Variants in ITCH observed in about 807,000 individuals in gnomAD.
ITCH encodes the protein E3 ubiquitin-protein ligase Itchy homolog.
In ITCH, 28 loss-of-function variants were observed where a neutral mutation model predicts 126.8. That is an observed-to-expected ratio of 0.22 (90% CI 0.16 to 0.30). ITCH has a LOEUF of 0.30. Ranked by LOEUF, ITCH falls within the 10% of genes least tolerant of loss-of-function variation. The pLI is 1.00. For synonymous variants in ITCH, 342 were observed against 340.0 expected (o/e 1.01, Z -0.06); for missense variants, 631 against 1,032.4 (o/e 0.61, Z 5.33).
At chr20:34,382,004 C>T (rs1197560325) in intron 2 of ITCH, among the ~76,000 whole-genome samples, 1 of 152,048 alleles carries the variant, frequency 6.6e-6, no homozygotes, top group African/African-American at 2.4e-5. Context: ...CTTAGATTTC[C>T]ATTTGTTTAC....
At chr20:34,375,848 A>G (rs1244816136) in intron 2 of ITCH, among the ~76,000 whole-genome samples, 2 of 151,312 alleles carry the variant, frequency 1.3e-5, no homozygotes, top group African/African-American at 4.9e-5. Flanking sequence ...TCCCGTCATT[A>G]TATTTTTCAA....
chr20:34,494,144 C>T (rs1450181120), intron 23 of ITCH, among the ~76,000 whole-genome samples: 1 of 152,130 alleles, frequency 6.6e-6, no homozygotes, highest in African/African-American at 2.4e-5. Context: ...CAGGGAGAAT[C>T]GCTTGAACCC....
At chr20:34,488,094 T>C (rs1469580944) in intron 20 of ITCH, among the ~76,000 whole-genome samples, 2 of 152,168 alleles carry the variant, frequency 1.3e-5, no homozygotes, top group Admixed American at 6.5e-5. Flanking sequence ...TCAAAAATAA[T>C]CTTATATTTA....
At chr20:34,403,632 A>T (rs1208987471) in intron 3 of ITCH, among the ~76,000 whole-genome samples, 1 of 152,218 alleles carries the variant, frequency 6.6e-6, no homozygotes, top group Non-Finnish European at 1.5e-5. Flanking sequence ...GGTGAGTTAA[A>T]TGAGTAAAAA....
At chr20:34,416,537 T>C (rs1046040180) in intron 6 of ITCH, among the ~76,000 whole-genome samples, 1 of 152,216 alleles carries the variant, frequency 6.6e-6, no homozygotes, top group Non-Finnish European at 1.5e-5. Flanking sequence ...AAATACCTTA[T>C]TGTACTCACC....
chr20:34,436,373 T>C (rs1568938387), intron 7 of ITCH, among the ~76,000 whole-genome samples: 1 of 152,218 alleles, frequency 6.6e-6, no homozygotes, highest in Non-Finnish European at 1.5e-5. Context: ...ATTCTACTCA[T>C]TGTTATCTGT....
intron 6 of ITCH, among the ~76,000 whole-genome samples, chr20:34,422,206 G>A (rs2146211701): frequency 6.6e-6 from 1 of 152,256 alleles, no homozygotes; most frequent in East Asian, 1.9e-4. Context: ...TGCAGGAAAA[G>A]TACAGGAAGT....
chr20:34,501,105 A>T (rs913818394), intron 23 of ITCH, among the ~76,000 whole-genome samples: 8 of 152,216 alleles, frequency 5.3e-5, no homozygotes, highest in African/African-American at 1.9e-4. Flanking sequence ...AGAGGCAGCC[A>T]TCTAGTTTAA....
At chr20:34,392,994 G>A (rs1320389898) in intron 2 of ITCH, among the ~76,000 whole-genome samples, 1 of 152,156 alleles carries the variant, frequency 6.6e-6, no homozygotes, top group Non-Finnish European at 1.5e-5. Flanking sequence ...AAAGCTATCT[G>A]GATAGGTAAT....
At chr20:34,388,116 G>A (rs1300338669) in intron 2 of ITCH, among the ~76,000 whole-genome samples, 1 of 88,654 alleles carries the variant, frequency 1.1e-5, no homozygotes, top group Non-Finnish European at 2.3e-5. Flanking sequence ...TTTTTTTTTT[G>A]AGACACGGTC....
intron 3 of ITCH, among the ~76,000 whole-genome samples, chr20:34,397,985 G>A (rs987521962): frequency 6.7e-6 from 1 of 150,044 alleles, no homozygotes; most frequent in African/African-American, 2.5e-5. Context: ...TGCTATCATC[G>A]TTATTGAATT....
Position 34,393,784 on chromosome 20 carries a change from T to G in ITCH, c.-21-7T>G. ...GATGTTTACAGTGTCTCCTTTGCCA[T>G]GTTCAGGTTTTCCAACCTATTGGTG... On this transcript the variant is annotated splice_region_variant and splice_polypyrimidine_tract_variant and intron_variant, in intron 2 of 24. Transcript: ENST00000374864. The G allele has an allele frequency of 6.5e-7, 1 of 1,547,082 alleles. No individual in the cohort carries two copies. The highest frequency in any genetic ancestry group is 8.9e-7 in the Non-Finnish European group (1 of 1,118,742).
chr20:34,400,789 G>A (rs999876209), intron 3 of ITCH, among the ~76,000 whole-genome samples: 2 of 151,326 alleles, frequency 1.3e-5, no homozygotes, highest in Admixed American at 6.6e-5. Flanking sequence ...ACAGAGTCTC[G>A]CTCTGTCACC....
intron 16 of ITCH, among the ~76,000 whole-genome samples, chr20:34,473,549 A>G (rs1987848140): frequency 6.6e-6 from 1 of 152,226 alleles, no homozygotes; most frequent in South Asian, 2.1e-4. Flanking sequence ...CAATTCATTC[A>G]TAAGGTTTCC....
At chr20:34,492,058 ACTGC>A (rs139580706) in intron 22 of ITCH, among the ~76,000 whole-genome samples, 2,975 of 152,184 alleles carry the variant, frequency 0.02, 91 homozygotes, top group African/African-American at 0.059. Flanking sequence ...TAATCTTAAA[ACTGC>A]GTGAGTACGG....
chr20:34,449,521 TTTTTGTTCTCTTC>T (rs776774519), intron 12 of ITCH, 41 bp downstream of exon 12: 3 of 1,292,414 alleles, frequency 2.3e-6, no homozygotes, highest in Non-Finnish European at 3.4e-6. Context: ...TGTCATTTCA[TTTTTGTTCTCTTC>T]CAATTGTGTC....
chr20:34,468,628 T>C (rs568333549), intron 14 of ITCH, among the ~76,000 whole-genome samples: 3 of 151,748 alleles, frequency 2.0e-5, no homozygotes, highest in East Asian at 2.0e-4. Context: ...CCGTCTCTAC[T>C]AAAAATACAA....
intron 2 of ITCH, among the ~76,000 whole-genome samples, chr20:34,384,575 A>T (rs2038201246): frequency 6.6e-6 from 1 of 151,544 alleles, no homozygotes; most frequent in South Asian, 2.1e-4. Flanking sequence ...CGCCGTGCCC[A>T]GCTGCCTGTA....
Position 34,438,607 on chromosome 20 carries a change from C to A in ITCH, c.655C>A (p.Pro219Thr). Residue 219 changes from proline to threonine, a missense_variant, in exon 8 of 25, where the codon CCA becomes ACA. Pro to Thr is a conservative substitution (Grantham distance 38, BLOSUM62 -1). Coordinates refer to ENST00000374864, the MANE Select transcript of ITCH (RefSeq NM_031483.7). The part of the protein sequence containing the change: ...PSRPPRPSRP[P>T]PPTPRRPASV... ...TAGACCTCCAAGACCTTCACGACCA[C>A]CACCACCCACCCCACGTAGACCAGG... 1 of 1,614,056 alleles carries A rather than the reference C, an allele frequency of 6.2e-7. No individual in the cohort carries two copies. Among genetic ancestry groups the A allele is most frequent in the Admixed American group, 1.7e-5 (1 of 60,004 alleles).
Sources: allele counts gnomAD v4.1 joint callset (sites outside exome capture counted in the v4.1 genomes callset), GRCh38; gene constraint gnomAD v4.1.1; transcripts MANE v1.5; gene names NCBI Gene and HGNC (gene_info 2026-07-23, HGNC 2026-07-21).